Variants in DOCK1 observed in about 807,000 individuals in gnomAD.
DOCK1 encodes dedicator of cytokinesis protein 1.
A neutral mutation model predicts 262.7 loss-of-function variants in DOCK1; 138 were observed. The ratio of observed to expected loss-of-function variants is 0.53; its 90% confidence interval spans 0.46 to 0.61. DOCK1 has a LOEUF of 0.61. Among genes scored for constraint, DOCK1 ranks in the 20% least tolerant of loss-of-function variants. The pLI, the probability that DOCK1 is intolerant of heterozygous loss-of-function variation, is 0.00. For synonymous variants in DOCK1, 866 were observed against 867.4 expected (o/e 1.00, Z 0.03); for missense variants, 1,908 against 2,370.7 (o/e 0.80, Z 4.05).
At chr10:127,199,011 G>T (rs1343411871) in intron 27 of DOCK1, among the ~76,000 whole-genome samples, 1 of 151,546 alleles carries the variant, frequency 6.6e-6, no homozygotes, top group East Asian at 1.9e-4. Flanking sequence ...ATGGGATGTA[G>T]GCATATTTTT....
At chr10:127,007,231 C>T (rs766753123) in intron 10 of DOCK1, among the ~76,000 whole-genome samples, 9 of 152,104 alleles carry the variant, frequency 5.9e-5, no homozygotes, top group African/African-American at 1.4e-4. Context: ...TCGTCTCTTA[C>T]GACACTGCTG....
intron 29 of DOCK1, among the ~76,000 whole-genome samples, chr10:127,308,977 G>A (rs1284013929): frequency 1.1e-4 from 17 of 152,142 alleles, no homozygotes; most frequent in Admixed American, 6.5e-5. Flanking sequence ...GGGTCAAATG[G>A]TATTTCTGGT....
chr10:127,210,172 C>G (rs1258849830), intron 27 of DOCK1, among the ~76,000 whole-genome samples: 1 of 152,188 alleles, frequency 6.6e-6, no homozygotes, highest in Non-Finnish European at 1.5e-5. Context: ...TGAAGTCTTA[C>G]ATTTGGTGGT....
intron 10 of DOCK1, among the ~76,000 whole-genome samples, chr10:127,003,338 T>TGTGAACCTGCATGAACCTGC (rs2040743897): frequency 6.6e-6 from 1 of 151,986 alleles, no homozygotes; most frequent in Non-Finnish European, 1.5e-5. Flanking sequence ...TGTGAACCTG[T>TGTGAACCTGCATGAACCTGC]GTGAACCTGC....
intron 23 of DOCK1, among the ~76,000 whole-genome samples, chr10:127,097,038 G>A: frequency 6.6e-6 from 1 of 152,168 alleles, no homozygotes; most frequent in East Asian, 1.9e-4. Flanking sequence ...CTGGGAGGTG[G>A]AGGTTGCAGT....
At chr10:127,370,655 G>A (rs1175203877) in intron 33 of DOCK1, among the ~76,000 whole-genome samples, 1 of 152,214 alleles carries the variant, frequency 6.6e-6, no homozygotes, top group African/African-American at 2.4e-5. Context: ...CCTATGGTTA[G>A]CTGTGGCAGT....
chr10:127,144,783 C>T (rs1254171207), intron 27 of DOCK1, among the ~76,000 whole-genome samples: 2 of 152,108 alleles, frequency 1.3e-5, no homozygotes, highest in Non-Finnish European at 2.9e-5. Flanking sequence ...ACTTTGTATC[C>T]TTCCTTTACC....
chr10:127,120,364 A>G (rs2049478226), intron 25 of DOCK1, among the ~76,000 whole-genome samples: 1 of 152,268 alleles, frequency 6.6e-6, no homozygotes, highest in Admixed American at 6.5e-5. Context: ...CAGCAGAAAT[A>G]GAATGTGAGC....
At chr10:127,336,761 A>T (rs55705512) in intron 29 of DOCK1, among the ~76,000 whole-genome samples, 7 of 151,944 alleles carry the variant, frequency 4.6e-5, no homozygotes, top group Admixed American at 2.6e-4. Flanking sequence ...GGATGGTCTC[A>T]ATCTCCTGAC....
At chr10:127,030,529 A>G (rs1291683553) in intron 16 of DOCK1, among the ~76,000 whole-genome samples, 1 of 152,212 alleles carries the variant, frequency 6.6e-6, no homozygotes, top group Non-Finnish European at 1.5e-5. Flanking sequence ...CTTCTGACTA[A>G]TAAATTGGAT....
intron 28 of DOCK1, among the ~76,000 whole-genome samples, chr10:127,252,651 C>A (rs908890369): frequency 6.6e-6 from 1 of 150,958 alleles, no homozygotes; most frequent in Non-Finnish European, 1.5e-5. Flanking sequence ...GGAATCCTTT[C>A]CCCATTGCTT....
chr10:127,147,523 C>T lies in DOCK1; in HGVS notation c.2847+19759C>T, dbSNP rs569625601. On this transcript the variant is annotated intron_variant, in intron 27 of 51. Coordinates refer to ENST00000623213, the MANE Select transcript of DOCK1 (RefSeq NM_001290223.2). ...ACCTTCCATACAGAGGGCTCTCTCTCGCCAGAGCTCTGTCCTTACCCTCAT... is the reference window on the plus strand; with the variant it reads ...ACCTTCCATACAGAGGGCTCTCTCTTGCCAGAGCTCTGTCCTTACCCTCAT... Among the ~76,000 whole-genome samples, 10 of 152,216 alleles carry T rather than the reference C, an allele frequency of 6.6e-5. No homozygotes were observed. The East Asian group carries it at 7.8e-4, about 12-fold the overall frequency.
At chr10:126,955,993 A>G (rs2036704760) in intron 1 of DOCK1, among the ~76,000 whole-genome samples, 1 of 152,178 alleles carries the variant, frequency 6.6e-6, no homozygotes, top group African/African-American at 2.4e-5. Context: ...CAGGCAGCCC[A>G]GGTCTGGTCA....
intron 43 of DOCK1, among the ~76,000 whole-genome samples, chr10:127,412,252 G>A (rs1238447843): frequency 1.3e-5 from 2 of 152,074 alleles, no homozygotes; most frequent in East Asian, 1.9e-4. Context: ...GTGAGCCACC[G>A]CGCCTGGCCC....
chr10:127,076,308 T>C (rs191593541), intron 23 of DOCK1, among the ~76,000 whole-genome samples: 30 of 152,316 alleles, frequency 2.0e-4, no homozygotes, highest in Middle Eastern at 6.8e-3. Context: ...AAGACCATCC[T>C]GGCTAACACG....
intron 32 of DOCK1, among the ~76,000 whole-genome samples, chr10:127,358,401 A>G (rs2064247592): frequency 6.6e-6 from 1 of 152,162 alleles, no homozygotes; most frequent in East Asian, 1.9e-4. Context: ...CTCTCTCTCA[A>G]AAGAAAAAAG....
At chr10:126,948,132 GTAT>G in intron 1 of DOCK1, among the ~76,000 whole-genome samples, 1 of 110,322 alleles carries the variant, frequency 9.1e-6, no homozygotes, top group Non-Finnish European at 2.0e-5. Flanking sequence ...GTGGTTGGTA[GTAT>G]TACTGTTGGT....
intron 8 of DOCK1, among the ~76,000 whole-genome samples, chr10:126,998,992 A>G (rs1771501859): frequency 6.6e-6 from 1 of 152,102 alleles, no homozygotes; most frequent in South Asian, 2.1e-4. Context: ...TGCAGTTTTT[A>G]TTTTACAATG....
intron 29 of DOCK1, among the ~76,000 whole-genome samples, chr10:127,280,339 A>G (rs1482672930): frequency 6.6e-6 from 1 of 152,068 alleles, no homozygotes; most frequent in Non-Finnish European, 1.5e-5. Flanking sequence ...CGGCCTTCAT[A>G]TATTTTTATG....
Sources: allele counts gnomAD v4.1 joint callset (sites outside exome capture counted in the v4.1 genomes callset), GRCh38; gene constraint gnomAD v4.1.1; transcripts MANE v1.5; gene names NCBI Gene and HGNC (gene_info 2026-07-23, HGNC 2026-07-21).